The following BMPR1A variants were observed in gnomAD, a reference collection of about 807,000 sequenced individuals.
The protein encoded by BMPR1A is bone morphogenetic protein receptor type-1A.
BMPR1A carries 7 observed loss-of-function variants against 66.0 expected under a neutral mutation model. The ratio of observed to expected loss-of-function variants is 0.11; its 90% confidence interval spans 0.06 to 0.20. BMPR1A has a LOEUF of 0.20. Among genes scored for constraint, BMPR1A ranks in the 10% least tolerant of loss-of-function variants. The pLI, the probability that BMPR1A is intolerant of heterozygous loss-of-function variation, is 1.00. For synonymous variants in BMPR1A, 200 were observed against 229.7 expected, an observed-to-expected ratio of 0.87 and a Z score of 1.17; for missense variants, 408 against 669.1, an observed-to-expected ratio of 0.61 and a Z score of 4.31.
intron 2 of BMPR1A, among the ~76,000 whole-genome samples, chr10:86,865,917 G>C (rs1458649845): frequency 6.6e-6 from 1 of 152,190 alleles, no homozygotes; most frequent in Non-Finnish European, 1.5e-5. Context: ...TTGAGGAGCT[G>C]GGACTGAGAT....
chr10:86,762,552 G>A (rs367630133), intron 1 of BMPR1A, among the ~76,000 whole-genome samples: 3 of 152,130 alleles, frequency 2.0e-5, no homozygotes, highest in Admixed American at 6.5e-5. Flanking sequence ...TAGAGACAGG[G>A]TTTTGCCTCG....
At chr10:86,923,265 T>A in intron 11 of BMPR1A, 111 bp from the exon 12 acceptor site, 1 of 1,437,120 alleles carries the variant, frequency 7.0e-7, no homozygotes, top group Non-Finnish European at 9.7e-7. Context: ...CTATATTTTT[T>A]CTTGTGTAAG....
At chr10:86,820,699 C>T (rs1267515147) in intron 1 of BMPR1A, among the ~76,000 whole-genome samples, 1 of 152,196 alleles carries the variant, frequency 6.6e-6, no homozygotes, top group Non-Finnish European at 1.5e-5. Context: ...CCGGACTTCT[C>T]CGGATGCTAG....
intron 1 of BMPR1A, among the ~76,000 whole-genome samples, chr10:86,780,776 A>G (rs923773770): frequency 1.3e-5 from 2 of 152,064 alleles, no homozygotes; most frequent in African/African-American, 2.4e-5. Flanking sequence ...CTGATGGGCA[A>G]AGAACCAGGG....
intron 1 of BMPR1A, among the ~76,000 whole-genome samples, chr10:86,813,789 A>G (rs771421535): frequency 3.9e-5 from 6 of 152,034 alleles, no homozygotes; most frequent in Non-Finnish European, 7.4e-5. Flanking sequence ...GCTCACCTCT[A>G]TTCCTATGTC....
intron 1 of BMPR1A, among the ~76,000 whole-genome samples, chr10:86,768,145 C>T (rs1275742141): frequency 6.6e-6 from 1 of 152,182 alleles, no homozygotes; most frequent in East Asian, 1.9e-4. Context: ...ACCTCAATTA[C>T]TGAACCTAAG....
intron 1 of BMPR1A, among the ~76,000 whole-genome samples, chr10:86,822,854 T>C (rs546831410): frequency 1.3e-5 from 2 of 152,104 alleles, no homozygotes; most frequent in Admixed American, 6.5e-5. Context: ...GGTCTCGAAC[T>C]CCTGACCTCA....
At chr10:86,810,824 T>G (rs73348029) in intron 1 of BMPR1A, among the ~76,000 whole-genome samples, 2,534 of 152,342 alleles carry the variant, frequency 0.017, 76 homozygotes, top group African/African-American at 0.058. Flanking sequence ...GTTACATGAT[T>G]TACAAAAATT....
chr10:86,895,210 T>C (rs947206135), intron 5 of BMPR1A, among the ~76,000 whole-genome samples: 4 of 152,242 alleles, frequency 2.6e-5, no homozygotes, highest in Non-Finnish European at 5.9e-5. Context: ...TTTATGGCAC[T>C]TTTAGCATAT....
At chr10:86,919,920 C>T (rs1843637438) in intron 10 of BMPR1A, among the ~76,000 whole-genome samples, 1 of 152,132 alleles carries the variant, frequency 6.6e-6, no homozygotes, top group Non-Finnish European at 1.5e-5. Flanking sequence ...GTTGCCTAGG[C>T]TGGTCTCAAA....
chr10:86,830,291 G>A (rs777457307), intron 1 of BMPR1A, among the ~76,000 whole-genome samples: 17 of 152,208 alleles, frequency 1.1e-4, no homozygotes, highest in Admixed American at 2.6e-4. Context: ...GCTTAGCAGG[G>A]TTCTTTGCTA....
intron 1 of BMPR1A, among the ~76,000 whole-genome samples, chr10:86,824,081 TTG>T (rs71477609): frequency 0.12 from 10,907 of 93,362 alleles, 786 homozygotes; most frequent in African/African-American, 0.22. Context: ...TTACCAAGGG[TTG>T]TGTGTGTGTG....
chr10:86,871,122 C>A (rs957049163), intron 2 of BMPR1A, among the ~76,000 whole-genome samples: 1 of 152,182 alleles, frequency 6.6e-6, no homozygotes. Flanking sequence ...AACTTCCCGT[C>A]TTTCTTTGCC....
At chr10:86,810,098 G>A (rs1209922296) in intron 1 of BMPR1A, among the ~76,000 whole-genome samples, 1 of 151,948 alleles carries the variant, frequency 6.6e-6, no homozygotes, top group East Asian at 1.9e-4. Flanking sequence ...AGCTTCCCGA[G>A]TAGCTGAGAT....
chr10:86,802,700 AG>A (rs1167198000), intron 1 of BMPR1A, among the ~76,000 whole-genome samples: 2 of 152,116 alleles, frequency 1.3e-5, no homozygotes, highest in African/African-American at 4.8e-5. Context: ...TAATCAGTTT[AG>A]GAATTTGTAT....
intron 1 of BMPR1A, among the ~76,000 whole-genome samples, chr10:86,822,431 A>G (rs1842132391): frequency 6.6e-6 from 1 of 152,120 alleles, no homozygotes; most frequent in Non-Finnish European, 1.5e-5. Context: ...ATACTCACGG[A>G]TCTGTACAAC....
At chr10:86,914,716 C>T (rs1843539181) in intron 8 of BMPR1A, among the ~76,000 whole-genome samples, 1 of 152,068 alleles carries the variant, frequency 6.6e-6, no homozygotes, top group Non-Finnish European at 1.5e-5. Flanking sequence ...TTAAGTGGTG[C>T]CAAAGATGTA....
chr10:86,811,990 A>C (rs1407362488), intron 1 of BMPR1A, among the ~76,000 whole-genome samples: 2 of 151,412 alleles, frequency 1.3e-5, no homozygotes, highest in Non-Finnish European at 2.9e-5. Context: ...CTGAGATGAG[A>C]GGATTGTTTG....
chr10:86,762,941 G>A (rs1169073724), intron 1 of BMPR1A, among the ~76,000 whole-genome samples: 2 of 152,124 alleles, frequency 1.3e-5, no homozygotes, highest in Non-Finnish European at 2.9e-5. Flanking sequence ...CTGTCGCCCA[G>A]GCTGGAGTGC....
Sources: allele counts gnomAD v4.1 joint callset (sites outside exome capture counted in the v4.1 genomes callset), GRCh38; gene constraint gnomAD v4.1.1; transcripts MANE v1.5; gene names NCBI Gene and HGNC (gene_info 2026-07-23, HGNC 2026-07-21).